The following TMEM132C variants were observed in gnomAD, a reference collection of about 807,000 sequenced individuals.
TMEM132C encodes transmembrane protein 132C, also known as protein phosphatase 1, regulatory subunit 152.
Under a neutral mutation model 61.4 loss-of-function variants are expected in TMEM132C, and 29 were observed. The ratio of observed to expected loss-of-function variants is 0.47; its 90% CI spans 0.35 to 0.64. The LOEUF (loss-of-function observed/expected upper bound fraction) is 0.64. TMEM132C is among the 30% of genes least tolerant of loss of function. The pLI, the probability that TMEM132C is intolerant of heterozygous loss-of-function variation, is 0.00. For missense variants in TMEM132C, 1,408 were observed against 1,476.9 expected (o/e 0.95, Z 0.76); for synonymous variants, 656 against 633.1 (o/e 1.04, Z -0.54).
chr12:128,581,891 G>T (rs1424491052), intron 3 of TMEM132C, among the ~76,000 whole-genome samples: 3 of 152,204 alleles, frequency 2.0e-5, no homozygotes, highest in Non-Finnish European at 4.4e-5. Context: ...GTGTACTGAG[G>T]GGGTGCAGGC....
intron 1 of TMEM132C, among the ~76,000 whole-genome samples, chr12:128,287,826 C>A (rs1187840202): frequency 6.6e-6 from 1 of 152,134 alleles, no homozygotes; most frequent in Non-Finnish European, 1.5e-5. Context: ...GAAACAATTT[C>A]TCAGCCTTTT....
chr12:128,283,215 G>A (rs1369666880), intron 1 of TMEM132C, among the ~76,000 whole-genome samples: 1 of 152,136 alleles, frequency 6.6e-6, no homozygotes, highest in Non-Finnish European at 1.5e-5. Flanking sequence ...TTGGCCAGTG[G>A]GAGCCATTTT....
In TMEM132C at chr12:128,706,200, AATG is replaced by A; in HGVS notation, c.3237_3239del (p.Asp1079del). 2 of 1,551,808 alleles carry A rather than the reference AATG, an allele frequency of 1.3e-6. No individual in the cohort carries two copies. The highest frequency in any genetic ancestry group is 1.7e-6 in the Non-Finnish European group (2 of 1,147,028). ...CACGGTGAACTCCATCGTCAGCAGC[AATG>A]ATGAGGACATCAAATGGGTGTGTCA... On this transcript the variant is annotated inframe_deletion, in exon 9 of 9. Coordinates refer to ENST00000435159, the MANE Select transcript of TMEM132C (RefSeq NM_001136103.3).
intron 1 of TMEM132C, among the ~76,000 whole-genome samples, chr12:128,406,547 TC>T (rs1322587693): frequency 2.0e-5 from 3 of 152,164 alleles, no homozygotes; most frequent in Non-Finnish European, 4.4e-5. Context: ...CAGGGAGGCT[TC>T]CTATTAATAG....
intron 4 of TMEM132C, among the ~76,000 whole-genome samples, chr12:128,626,571 C>T (rs568489273): frequency 4.5e-4 from 68 of 151,554 alleles, no homozygotes; most frequent in Non-Finnish European, 4.3e-4. Flanking sequence ...CAGCCTCCTG[C>T]GTAGCTGAGA....
At chr12:128,590,508 T>C (rs7316596) in intron 3 of TMEM132C, among the ~76,000 whole-genome samples, 53,012 of 152,026 alleles carry the variant, frequency 0.35, 10,569 homozygotes, top group African/African-American at 0.55. Context: ...CAAGGCTGTG[T>C]GAGTCAAGGT....
intron 1 of TMEM132C, among the ~76,000 whole-genome samples, chr12:128,368,320 A>C (rs1027332958): frequency 1.3e-5 from 2 of 152,228 alleles, no homozygotes; most frequent in African/African-American, 4.8e-5. Flanking sequence ...GAAGCAAGGT[A>C]GCGCAGTGGT....
chr12:128,307,034 G>A (rs1488470144), intron 1 of TMEM132C, among the ~76,000 whole-genome samples: 2 of 152,106 alleles, frequency 1.3e-5, no homozygotes, highest in Non-Finnish European at 2.9e-5. Flanking sequence ...GCTACATGAA[G>A]CCTTCCACCA....
At chr12:128,616,098 G>A in intron 3 of TMEM132C, 54 bp from the exon 4 acceptor site, 1 of 1,529,698 alleles carries the variant, frequency 6.5e-7, no homozygotes, top group Non-Finnish European at 8.8e-7. Flanking sequence ...TATGAGGAGA[G>A]AAGGGTCCTT....
chr12:128,525,264 A>G (rs1298898844), intron 2 of TMEM132C, among the ~76,000 whole-genome samples: 1 of 151,840 alleles, frequency 6.6e-6, no homozygotes, highest in Non-Finnish European at 1.5e-5. Flanking sequence ...CCATAAAGGG[A>G]AGTTTTCTGA....
intron 2 of TMEM132C, among the ~76,000 whole-genome samples, chr12:128,427,519 G>A (rs1432362855): frequency 2.0e-5 from 3 of 150,720 alleles, no homozygotes; most frequent in Non-Finnish European, 4.4e-5. Flanking sequence ...GAGAGGGAGG[G>A]AAGAGGCAGG....
At chr12:128,487,060 A>G in intron 2 of TMEM132C, among the ~76,000 whole-genome samples, 1 of 152,170 alleles carries the variant, frequency 6.6e-6, no homozygotes, top group Admixed American at 6.5e-5. Flanking sequence ...GCCAAAGTGG[A>G]GAAAGGGGTG....
At chr12:128,375,190 A>G (rs1479540781) in intron 1 of TMEM132C, among the ~76,000 whole-genome samples, 5 of 151,446 alleles carry the variant, frequency 3.3e-5, no homozygotes, top group Admixed American at 6.6e-5. Flanking sequence ...TTGAAAAGCA[A>G]CCAGGCTGTC....
chr12:128,637,693 G>A (rs1017717545), intron 4 of TMEM132C, among the ~76,000 whole-genome samples: 1 of 152,190 alleles, frequency 6.6e-6, no homozygotes, highest in African/African-American at 2.4e-5. Context: ...CATTTTTAAG[G>A]CATCTCCCCC....
At chr12:128,681,697 A>C (rs1954636433) in intron 5 of TMEM132C, among the ~76,000 whole-genome samples, 1 of 137,742 alleles carries the variant, frequency 7.3e-6, no homozygotes. Flanking sequence ...CCTATCTCCC[A>C]GGCTGGAGTG....
chr12:128,698,138 G>A (rs1271379403), intron 8 of TMEM132C, among the ~76,000 whole-genome samples: 1 of 118,692 alleles, frequency 8.4e-6, no homozygotes, highest in Non-Finnish European at 2.1e-5. Context: ...GCATATTGTA[G>A]GTGCTCAATA....
chr12:128,570,506 A>T lies in TMEM132C; in HGVS notation c.1121+26403A>T, dbSNP rs189322336. Among the ~76,000 whole-genome samples the T allele has an allele frequency of 2.6e-5, 4 of 152,034 alleles. No individual in the cohort carries two copies. Among genetic ancestry groups the T allele is most frequent in the African/African-American group, 9.6e-5 (4 of 41,472 alleles). On this transcript the variant is annotated intron_variant, in intron 3 of 8. Coordinates refer to ENST00000435159, the MANE Select transcript of TMEM132C (RefSeq NM_001136103.3). This position sits in a 1 kb window ranked among gnomAD's most constrained non-coding sequence, Gnocchi z 4.7. Reference sequence around the variant, plus strand: ...CCTAATGGGTGTTTTTACTGATGCCATGAACAGAAACTAGATTGCAGAGGC... The same window carrying T: ...CCTAATGGGTGTTTTTACTGATGCCTTGAACAGAAACTAGATTGCAGAGGC...
intron 2 of TMEM132C, among the ~76,000 whole-genome samples, chr12:128,434,605 T>TAATGAGTTCCTAGGTATTATGGG: frequency 6.6e-6 from 1 of 150,814 alleles, no homozygotes; most frequent in South Asian, 2.1e-4. Flanking sequence ...TTTATATTTC[T>TAATGAGTTCCTAGGTATTATGGG]TTTTTGTTTG....
chr12:128,493,764 T>A (rs1053540046), intron 2 of TMEM132C, among the ~76,000 whole-genome samples: 1 of 152,106 alleles, frequency 6.6e-6, no homozygotes, highest in African/African-American at 2.4e-5. Context: ...GACGATGGGG[T>A]TTTCTAGGTA....
Sources: allele counts gnomAD v4.1 joint callset (sites outside exome capture counted in the v4.1 genomes callset), GRCh38; gene constraint gnomAD v4.1.1; non-coding constraint Gnocchi (gnomAD v3.1); transcripts MANE v1.5; gene names NCBI Gene and HGNC (gene_info 2026-07-23, HGNC 2026-07-21).